Variants in CLPTM1L observed in about 807,000 individuals in gnomAD.
The protein encoded by CLPTM1L is CLPTM1 like.
A neutral mutation model predicts 70.9 loss-of-function variants in CLPTM1L; 38 were observed. The observed-to-expected ratio is 0.54, with a 90% CI of 0.41 to 0.70. The LOEUF is 0.70. CLPTM1L is among the 30% of genes least tolerant of loss of function. The pLI, the probability that CLPTM1L is intolerant of heterozygous loss-of-function variation, is 0.00. For synonymous variants in CLPTM1L, 339 were observed against 299.9 expected (o/e 1.13, Z -1.35); for missense variants, 652 against 705.9 (o/e 0.92, Z 0.87).
At chr5:1,325,887 C>G (rs1010879127) in intron 9 of CLPTM1L, 71 bp from the exon 10 acceptor site, 3 of 1,348,746 alleles carry the variant, frequency 2.2e-6, no homozygotes, top group Non-Finnish European at 3.2e-6. Flanking sequence ...ACGACCCAGA[C>G]AGTAACGGGT....
At chr5:1,334,928 G>A (rs754598537) in intron 6 of CLPTM1L, 129 bp downstream of exon 6, 15 of 646,406 alleles carry the variant, frequency 2.3e-5, no homozygotes, top group African/African-American at 3.6e-5. Context: ...GCTAGCCTCT[G>A]ATTCAACGTC....
In CLPTM1L at chr5:1,334,289, A is replaced by C. The variant is rs1003743843; in HGVS notation, c.891T>G (p.His297Gln). The C allele has an allele frequency of 1.2e-6, 2 of 1,612,936 alleles. No homozygotes were observed. Among genetic ancestry groups the C allele is most frequent in the Admixed American group, 1.7e-5 (1 of 59,978 alleles). Residue 297 changes from histidine to glutamine, a missense_variant and splice_region_variant, in exon 7 of 17, where the codon CAT becomes CAG. Physicochemically the swap from His to Gln is conservative, Grantham distance 24. Around this residue, in one of 3 missense-constraint regions of CLPTM1L, gnomAD observed 402 missense variants for 388.2 expected, o/e 1.04. Transcript: ENST00000320895. ...LALTFFVAAF[H>Q]LLFDFLAFKN... The stretch of plus-strand genomic sequence containing the variant: ...GCAAGCCCCCCGGTGGATGACTCAC[A>C]TGGAACGCTGCGACAAAGAAGGTCA...
intron 12 of CLPTM1L, among the ~76,000 whole-genome samples, chr5:1,323,375 G>A (rs959755002): frequency 1.5e-5 from 2 of 131,706 alleles, no homozygotes; most frequent in African/African-American, 2.5e-5. Flanking sequence ...TTGGCTCAGG[G>A]CCAGCACCCC....
In CLPTM1L at chr5:1,318,931, G is replaced by A. The variant is rs775075000; in HGVS notation, c.1533-478C>T. Among the ~76,000 whole-genome samples the A allele has an allele frequency of 1.3e-5, 2 of 152,214 alleles. No homozygotes were observed. The highest frequency in any genetic ancestry group is 4.1e-4 in the South Asian group (2 of 4,830). ...CCTACGTATGGATGAGGAAGCTGTG[G>A]CATAAGGGGCAGCTCTACACGGCCG... On this transcript the variant is annotated intron_variant, in intron 16 of 16. Coordinates refer to ENST00000320895, the MANE Select transcript of CLPTM1L (RefSeq NM_030782.5). This position sits in a 1 kb window ranked among gnomAD's most constrained non-coding sequence, Gnocchi z 8.9.
chr5:1,327,620 C>G (rs1350357143), intron 9 of CLPTM1L, among the ~76,000 whole-genome samples: 9 of 150,598 alleles, frequency 6.0e-5, no homozygotes, highest in Admixed American at 2.0e-4. Flanking sequence ...TCCAGCTCCT[C>G]CTCTACAGAC....
At chr5:1,344,549 G>A in intron 1 of CLPTM1L, 98 bp from the exon 2 acceptor site, 1 of 1,457,034 alleles carries the variant, frequency 6.9e-7, no homozygotes, top group Non-Finnish European at 9.5e-7. Flanking sequence ...CTGGCCGCTG[G>A]GGAACCAGGA....
intron 9 of CLPTM1L, among the ~76,000 whole-genome samples, chr5:1,329,480 T>A (rs990972444): frequency 3.6e-5 from 5 of 139,794 alleles, no homozygotes; most frequent in Admixed American, 1.4e-4. Flanking sequence ...GCCTCAGGAC[T>A]CTCTGCTTGG....
At chr5:1,335,586 C>T (rs144583033) in intron 5 of CLPTM1L, among the ~76,000 whole-genome samples, 4 of 152,348 alleles carry the variant, frequency 2.6e-5, no homozygotes, top group African/African-American at 7.2e-5. Flanking sequence ...TTGGAGACCA[C>T]GGGACAAGCA....
chr5:1,331,969 G>A lies in CLPTM1L; in HGVS notation c.892-86C>T, dbSNP rs148307803. On this transcript the variant is annotated intron_variant, in intron 7 of 16. Coordinates refer to ENST00000320895, the MANE Select transcript of CLPTM1L (RefSeq NM_030782.5). The stretch of plus-strand genomic sequence containing the variant: ...AGAGATAGAGGCTTCGTGTGTGACC[G>A]TGAGACTGCAGGTGTACTCAGCCTC... 1.4e-3 allele frequency: 1,482 copies of A among 1,090,556 alleles called. 14 individuals are homozygous for A. In the African/African-American group the frequency reaches 0.02, roughly 15 times the overall value. 67.6% of individuals were successfully genotyped at this position (1,090,556 alleles called of 1,614,324 possible). A position where few individuals can be genotyped will look rare whatever the true frequency, so the allele number is the denominator to read the frequency against.
At chr5:1,333,576 A>C (rs62329704) in intron 7 of CLPTM1L, among the ~76,000 whole-genome samples, 1 of 17,496 alleles carries the variant, frequency 5.7e-5, no homozygotes, top group South Asian at 1.8e-3. Flanking sequence ...GGATAAGGGG[A>C]GACTACTGTA....
chr5:1,326,172 G>A (rs1752524239), intron 9 of CLPTM1L: 1 of 302,374 alleles, frequency 3.3e-6, no homozygotes, highest in Non-Finnish European at 6.2e-6. Flanking sequence ...CGCTCTGAGA[G>A]CCGCCACCTC....
rs1430766182 is a variant in CLPTM1L, at chr5:1,323,806, G to A, written c.1261C>T (p.Leu421=). 1.9e-6 allele frequency: 3 copies of A among 1,612,858 alleles called. No homozygotes were observed. Among genetic ancestry groups the A allele is most frequent in the Admixed American group, 1.7e-5 (1 of 60,010 alleles). ...LCVGGAVYSL[L]NIKYKSWYSW... Reference sequence around the variant, plus strand: ...TCCTACCTCTTATATTTGATATTCAGGAGTGAATAGACAGCACCCCCGACA... The same window carrying A: ...TCCTACCTCTTATATTTGATATTCAAGAGTGAATAGACAGCACCCCCGACA... Residue 421 remains leucine (L), a synonymous_variant, in exon 12 of 17, where the codon CTG becomes TTG. Transcript: ENST00000320895.
Position 1,318,267 on chromosome 5 carries a change from G to T in CLPTM1L, c.*102C>A. The T allele has an allele frequency of 1.1e-6, 1 of 903,940 alleles. No homozygotes were observed. 56.0% of individuals were successfully genotyped at this position (903,940 alleles called of 1,614,324 possible). On this transcript the variant is annotated 3_prime_UTR_variant, in exon 17 of 17. Coordinates refer to ENST00000320895, the MANE Select transcript of CLPTM1L (RefSeq NM_030782.5). The surrounding 1 kb of genome is among the most constrained non-coding windows in gnomAD (Gnocchi z 8.9). ...TCTGAGAAATGTCCGAAGGGATTTT[G>T]GCAACACAGAAAACGCAATGTCTAG...
At chr5:1,322,230 G>A (rs1378027090) in intron 13 of CLPTM1L, among the ~76,000 whole-genome samples, 11 of 152,296 alleles carry the variant, frequency 7.2e-5, no homozygotes, top group Admixed American at 3.9e-4. Context: ...ACAGGCCCTC[G>A]CCCTTAATGC....
intron 9 of CLPTM1L, among the ~76,000 whole-genome samples, chr5:1,327,571 G>A (rs1447190480): frequency 2.7e-4 from 33 of 120,020 alleles, no homozygotes; most frequent in African/African-American, 7.7e-4. Flanking sequence ...TGCTCTACAG[G>A]GACATTCCAT....
At chr5:1,331,712 G>C in intron 8 of CLPTM1L, 87 bp downstream of exon 8, 1 of 1,135,270 alleles carries the variant, frequency 8.8e-7, no homozygotes, top group East Asian at 2.3e-5. Flanking sequence ...TCTGCAGCCA[G>C]CAGTGAGGCA....
chr5:1,324,183 A>C (rs1316970873), intron 11 of CLPTM1L: 2 of 421,528 alleles, frequency 4.7e-6, no homozygotes. Context: ...AAACCGGAAA[A>C]AACTGCCTAC....
chr5:1,334,226 G>A, intron 7 of CLPTM1L, 63 bp downstream of exon 7: 2 of 1,243,234 alleles, frequency 1.6e-6, no homozygotes, highest in Admixed American at 3.6e-5. Flanking sequence ...GACCCCTGCA[G>A]GAGGCCCGGG....
intron 9 of CLPTM1L, among the ~76,000 whole-genome samples, chr5:1,329,741 T>A (rs1414958852): frequency 2.3e-5 from 2 of 87,666 alleles, no homozygotes; most frequent in Non-Finnish European, 2.2e-5. Context: ...GCCTCAGGAC[T>A]CTCTGCCTGG....
Sources: gnomAD v4.1 joint callset for allele counts (sites outside exome capture counted in the v4.1 genomes callset) on GRCh38, gnomAD v4.1.1 for gene constraint, gnomAD v4.1.1 regional missense constraint, Gnocchi (gnomAD v3.1) non-coding constraint, MANE v1.5 for transcripts, NCBI Gene and HGNC (gene_info 2026-07-23, HGNC 2026-07-21) for gene names.